SATB2: variants seen among roughly 807,000 people sequenced by gnomAD.
SATB2 encodes the protein DNA-binding protein SATB2.
SATB2 carries 1 observed loss-of-function variant against 73.4 expected under a neutral mutation model. The ratio of observed to expected loss-of-function variants is 0.01; its 90% CI spans 0.00 to 0.06. SATB2 has a LOEUF of 0.06. Among genes scored for constraint, SATB2 ranks in the 10% least tolerant of loss-of-function variants. The pLI, the probability that SATB2 is intolerant of heterozygous loss-of-function variation, is 1.00. For synonymous variants in SATB2, 397 were observed against 367.0 expected, an observed-to-expected ratio of 1.08 and a Z score of -0.93; for missense variants, 459 against 945.8, an observed-to-expected ratio of 0.49 and a Z score of 6.75.
intron 3 of SATB2, among the ~76,000 whole-genome samples, chr2:199,416,065 C>T (rs980388792): frequency 6.6e-6 from 1 of 152,228 alleles, no homozygotes; most frequent in African/African-American, 2.4e-5. Flanking sequence ...AAAAGTAGAA[C>T]TACTGGACCC....
chr2:199,306,920 A>C (rs940227079), intron 10 of SATB2, among the ~76,000 whole-genome samples: 1 of 152,198 alleles, frequency 6.6e-6, no homozygotes, highest in African/African-American at 2.4e-5. Flanking sequence ...GATTAAAATA[A>C]GCTGTGATTA....
chr2:199,281,661 T>C (rs1404255050), intron 10 of SATB2, among the ~76,000 whole-genome samples: 1 of 152,194 alleles, frequency 6.6e-6, no homozygotes, highest in African/African-American at 2.4e-5. Context: ...TACCCTCTAA[T>C]ATTCCCCTTT....
chr2:199,414,668 G>A (rs774063129), intron 3 of SATB2, among the ~76,000 whole-genome samples: 8 of 152,090 alleles, frequency 5.3e-5, no homozygotes, highest in African/African-American at 9.7e-5. Flanking sequence ...GTGTCAAAGC[G>A]CTCACTCAAG....
At chr2:199,400,502 T>C (rs1690439144) in intron 3 of SATB2, among the ~76,000 whole-genome samples, 1 of 152,220 alleles carries the variant, frequency 6.6e-6, no homozygotes, top group Non-Finnish European at 1.5e-5. Context: ...ATCTTCACAT[T>C]ATTCCTTTAA....
intron 6 of SATB2, among the ~76,000 whole-genome samples, chr2:199,365,335 A>C (rs999119758): frequency 6.6e-6 from 1 of 151,802 alleles, no homozygotes; most frequent in Non-Finnish European, 1.5e-5. Flanking sequence ...CCAACCTACC[A>C]CCCTACCCTA....
intron 8 of SATB2, chr2:199,326,004 AAG>A (rs1473639019): frequency 6.6e-5 from 10 of 152,124 alleles, no homozygotes; most frequent in Non-Finnish European, 1.2e-4. Context: ...GCTACTAATA[AAG>A]TATAGATGGG....
chr2:199,418,361 G>A (rs967418988), intron 3 of SATB2, among the ~76,000 whole-genome samples: 2 of 152,108 alleles, frequency 1.3e-5, no homozygotes, highest in African/African-American at 2.4e-5. Flanking sequence ...GAGGGCCAAC[G>A]ATCTGTTAAG....
chr2:199,465,433 C>T (rs946886852), upstream of SATB2, among the ~76,000 whole-genome samples: 1 of 152,228 alleles, frequency 6.6e-6, no homozygotes, highest in African/African-American at 2.4e-5. Flanking sequence ...ACTTTCATTA[C>T]ATTCTGACTT....
At chr2:199,396,877 T>G (rs1690317634) in intron 3 of SATB2, 1 of 152,122 alleles carries the variant, frequency 6.6e-6, no homozygotes, top group African/African-American at 2.4e-5. Context: ...CTTTTTTATT[T>G]TTAAACTGGT....
At chr2:199,301,060 T>C (rs1370667936) in intron 10 of SATB2, among the ~76,000 whole-genome samples, 1 of 152,038 alleles carries the variant, frequency 6.6e-6, no homozygotes, top group Non-Finnish European at 1.5e-5. Flanking sequence ...TTTAAAAAAA[T>C]ACATTAGCAG....
At chr2:199,296,105 T>G (rs1693022778) in intron 10 of SATB2, among the ~76,000 whole-genome samples, 1 of 152,174 alleles carries the variant, frequency 6.6e-6, no homozygotes, top group African/African-American at 2.4e-5. Context: ...GTGGCTGGCT[T>G]TCTCTTGCAA....
At position 199,284,773 on chromosome 2, in the gene SATB2, C is replaced by A. The variant is rs755877557; in HGVS notation, c.1741-12101G>T. ...ACCTATGGATTCAACAAACCACAAT[C>A]AAAAATATTTAGAAAAAAAAAAGAA... is the stretch of plus-strand genomic sequence containing the variant. On this transcript the variant is annotated intron_variant, in intron 10 of 10. Transcript: ENST00000417098. Among the ~76,000 whole-genome samples, 6 of 151,100 alleles carry A rather than the reference C, an allele frequency of 4.0e-5. No homozygotes were observed. The East Asian group carries it at 7.8e-4, about 20-fold the overall frequency.
At position 199,380,501 on chromosome 2, in the gene SATB2, C is replaced by T. The variant is rs766242198; in HGVS notation, c.474-14G>A. Reference sequence around the variant, plus strand: ...AACTTTGAACAACTGCAAAACAGAGCAATAATGAACAATACACAAACCTCA... The same window carrying T: ...AACTTTGAACAACTGCAAAACAGAGTAATAATGAACAATACACAAACCTCA... On this transcript the variant is annotated splice_polypyrimidine_tract_variant and intron_variant, in intron 4 of 10. Transcript: ENST00000417098. 2.0e-5 allele frequency: 33 copies of T among 1,610,774 alleles called. No homozygotes were observed. The highest frequency in any genetic ancestry group is 2.6e-5 in the Non-Finnish European group (31 of 1,179,892).
chr2:199,319,157 T>C (rs1256017842), intron 9 of SATB2, among the ~76,000 whole-genome samples: 2 of 152,170 alleles, frequency 1.3e-5, no homozygotes, highest in Non-Finnish European at 2.9e-5. Flanking sequence ...AATTGTGTAT[T>C]ACAAGCCAGA....
At chr2:199,419,395 G>A (rs1173664786) in intron 3 of SATB2, among the ~76,000 whole-genome samples, 3 of 152,306 alleles carry the variant, frequency 2.0e-5, no homozygotes, top group African/African-American at 7.2e-5. Flanking sequence ...CCAGTGCCCT[G>A]AAAATAATCC....
intron 2 of SATB2, among the ~76,000 whole-genome samples, chr2:199,452,114 A>G (rs1692142274): frequency 6.6e-6 from 1 of 152,148 alleles, no homozygotes; most frequent in Non-Finnish European, 1.5e-5. Flanking sequence ...AACACCAAAA[A>G]ATCATAAAAA....
intron 3 of SATB2, among the ~76,000 whole-genome samples, chr2:199,385,788 T>G (rs1324087365): frequency 6.6e-6 from 1 of 152,144 alleles, no homozygotes; most frequent in African/African-American, 2.4e-5. Flanking sequence ...AGTAGCACAC[T>G]GTATAGGTCA....
At chr2:199,417,382 T>A (rs1435304100) in intron 3 of SATB2, among the ~76,000 whole-genome samples, 1 of 152,130 alleles carries the variant, frequency 6.6e-6, no homozygotes, top group Non-Finnish European at 1.5e-5. Context: ...CTGCTCCACA[T>A]AGTCCCAGAT....
chr2:199,443,891 G>A (rs1691891804), intron 2 of SATB2, among the ~76,000 whole-genome samples: 1 of 152,194 alleles, frequency 6.6e-6, no homozygotes, highest in Non-Finnish European at 1.5e-5. Context: ...AGTCCCCTTA[G>A]GGGATCTGAC....
Sources: allele counts gnomAD v4.1 joint callset (sites outside exome capture counted in the v4.1 genomes callset), GRCh38; gene constraint gnomAD v4.1.1; transcripts MANE v1.5; gene names NCBI Gene and HGNC (gene_info 2026-07-23, HGNC 2026-07-21).